The following STOML3 variants were observed in gnomAD, a reference collection of about 807,000 sequenced individuals.
STOML3 encodes stomatin like 3.
A neutral mutation model predicts 29.5 loss-of-function variants in STOML3; 31 were observed. The observed-to-expected ratio is 1.05, with a 90% CI of 0.79 to 1.42. STOML3 has a LOEUF of 1.42. Among genes scored for constraint, STOML3 ranks in the 40% most tolerant of loss-of-function variants. STOML3 has a pLI of 0.00. For missense variants in STOML3, 380 were observed against 363.0 expected, an observed-to-expected ratio of 1.05 and a Z score of -0.38; for synonymous variants, 122 against 139.8, an observed-to-expected ratio of 0.87 and a Z score of 0.90.
chr13:38,976,967 A>G (rs1246554228), intron 1 of STOML3, among the ~76,000 whole-genome samples, 170 bp from the exon 2 acceptor site: 1 of 152,260 alleles, frequency 6.6e-6, no homozygotes, highest in Non-Finnish European at 1.5e-5. Flanking sequence ...ACATACATTC[A>G]AATGTTTATT....
At chr13:38,988,207 A>C (rs1244208782) in intron 1 of STOML3, among the ~76,000 whole-genome samples, 7 of 75,342 alleles carry the variant, frequency 9.3e-5, no homozygotes, top group African/African-American at 3.2e-4. Context: ...TATTTCATAT[A>C]AAATATATGA....
intron 3 of STOML3, among the ~76,000 whole-genome samples, chr13:38,973,096 TAAAAAAAAAAAAA>T (rs71074495): frequency 0.011 from 352 of 32,560 alleles, 2 homozygotes; most frequent in Non-Finnish European, 0.014. Flanking sequence ...CCGTCTCTAC[TAAAAAAAAAAAAA>T]AAAAAAAAAA....
Position 38,967,103 on chromosome 13 carries a change from T to C in STOML3, c.652-54A>G, listed in dbSNP as rs559661341. The C allele has an allele frequency of 2.0e-6, 3 of 1,501,128 alleles. No individual in the cohort carries two copies. In the South Asian group the frequency reaches 3.7e-5, roughly 18 times the overall value. The allele number at this position is 1,501,128 out of a possible 1,614,324, so 93.0% of individuals were successfully genotyped here. A position where few individuals can be genotyped will look rare whatever the true frequency, so the allele number is the denominator to read the frequency against. ...AAATAAAAGTTTACACTATAACTAG[T>C]TCTTTCTTTTTCTGGGTCTGTATTG... On this transcript the variant is annotated intron_variant, in intron 6 of 6. Coordinates refer to ENST00000379631, the MANE Select transcript of STOML3 (RefSeq NM_145286.3).
chr13:38,979,923 A>G, intron 1 of STOML3: 1 of 872,614 alleles, frequency 1.1e-6, no homozygotes, highest in Non-Finnish European at 1.8e-6. Flanking sequence ...ACACGCAGGC[A>G]GCTGGGACTC....
chr13:38,988,599 TTATATATCA>T (rs1868834410), intron 1 of STOML3, among the ~76,000 whole-genome samples: 1 of 117,538 alleles, frequency 8.5e-6, no homozygotes, highest in Non-Finnish European at 1.6e-5. Context: ...ATATAATATA[TTATATATCA>T]TATATTTTAT....
At chr13:38,989,665 T>G (rs1386315139) in intron 1 of STOML3, among the ~76,000 whole-genome samples, 1 of 151,734 alleles carries the variant, frequency 6.6e-6, no homozygotes, top group Non-Finnish European at 1.5e-5. Flanking sequence ...CCTGGCTAAA[T>G]TTTGTATTTT....
intron 1 of STOML3, among the ~76,000 whole-genome samples, chr13:38,988,400 TAA>T (rs1328950499): frequency 1.2e-4 from 11 of 95,448 alleles, no homozygotes; most frequent in African/African-American, 3.6e-4. Flanking sequence ...ATATTTTATA[TAA>T]AATATATGAT....
At chr13:38,990,125 T>C (rs1302565243) in intron 1 of STOML3, among the ~76,000 whole-genome samples, 1 of 152,224 alleles carries the variant, frequency 6.6e-6, no homozygotes, top group African/African-American at 2.4e-5. Flanking sequence ...TAGTAGTTGG[T>C]ACTTATAAGC....
chr13:38,978,695 G>A lies in STOML3; in HGVS notation c.53-1898C>T, dbSNP rs145521764. Among the ~76,000 whole-genome samples the A allele has an allele frequency of 1.8e-4, 27 of 152,220 alleles. 1 individual carries two copies. In the East Asian group the frequency reaches 5.0e-3, roughly 28 times the overall value. Reference sequence around the variant, plus strand: ...ATCATTGCCTCTTCCCTATCCAGTTGCAGAAAGTCACTAAACCTAAATGAT... The same window carrying A: ...ATCATTGCCTCTTCCCTATCCAGTTACAGAAAGTCACTAAACCTAAATGAT... On this transcript the variant is annotated intron_variant, in intron 1 of 6. Coordinates refer to ENST00000379631, the MANE Select transcript of STOML3 (RefSeq NM_145286.3).
At chr13:38,984,473 T>C (rs73456161) in intron 1 of STOML3, among the ~76,000 whole-genome samples, 4,787 of 152,280 alleles carry the variant, frequency 0.031, 173 homozygotes, top group African/African-American at 0.093. Flanking sequence ...ATGGACCATA[T>C]ATACGATGGT....
At chr13:38,970,658 G>A (rs1296518334) in intron 4 of STOML3, among the ~76,000 whole-genome samples, 3 of 152,174 alleles carry the variant, frequency 2.0e-5, no homozygotes, top group Non-Finnish European at 2.9e-5. Flanking sequence ...GACATGCTAA[G>A]AACAGGCCCT....
intron 6 of STOML3, 27 bp from the exon 7 acceptor site, chr13:38,967,076 A>G (rs1880684844): frequency 6.3e-7 from 1 of 1,599,788 alleles, no homozygotes; most frequent in South Asian, 1.1e-5. Context: ...AAAATCGTTC[A>G]GAAATAAAAG....
chr13:38,969,197 C>G (rs1272746969), intron 5 of STOML3, among the ~76,000 whole-genome samples: 1 of 152,192 alleles, frequency 6.6e-6, no homozygotes, highest in Non-Finnish European at 1.5e-5. Context: ...AGCCTAAAGT[C>G]AAAGATACTC....
intron 1 of STOML3, among the ~76,000 whole-genome samples, chr13:38,989,989 C>A (rs983048735): frequency 6.6e-6 from 1 of 151,954 alleles, no homozygotes; most frequent in Non-Finnish European, 1.5e-5. Flanking sequence ...TTAAACTTTC[C>A]AATGCTCAGT....
intron 1 of STOML3, among the ~76,000 whole-genome samples, chr13:38,984,971 G>GA (rs1868450761): frequency 6.6e-6 from 1 of 152,136 alleles, no homozygotes; most frequent in African/African-American, 2.4e-5. Flanking sequence ...CAACATAATA[G>GA]ATTTACTGAT....
intron 1 of STOML3, among the ~76,000 whole-genome samples, chr13:38,986,666 C>T (rs1210287292): frequency 6.6e-6 from 1 of 152,156 alleles, no homozygotes. Flanking sequence ...ATCTTTTCAT[C>T]CCCTGTAATT....
intron 5 of STOML3, among the ~76,000 whole-genome samples, chr13:38,968,781 C>T (rs1408798925): frequency 6.6e-6 from 1 of 152,092 alleles, no homozygotes; most frequent in African/African-American, 2.4e-5. Context: ...TAGTGGGTGT[C>T]TATCAGCAGG....
rs1318298606 is a variant in STOML3 at position 38,966,958 on chromosome 13, C to A, written c.743G>T (p.Arg248Leu). ...LAESPIALQL[R>L]YLQTLSTVAT... ...TACCGTGCTCAAGGTCTGCAGGTAG[C>A]GCAGCTGGAGAGCTATGGGAGACTC... Residue 248 changes from arginine to leucine, a missense_variant, in exon 7 of 7, where the codon CGC (arginine) becomes CTC (leucine). Physicochemically the swap from Arg to Leu is moderately radical, Grantham distance 102. Coordinates refer to ENST00000379631, the MANE Select transcript of STOML3 (RefSeq NM_145286.3). The A allele has an allele frequency of 1.2e-6, 2 of 1,613,864 alleles. No homozygotes were observed. The highest frequency in any genetic ancestry group is 1.7e-5 in the Admixed American group (1 of 59,990).
intron 1 of STOML3, among the ~76,000 whole-genome samples, chr13:38,982,347 TTAA>T (rs1188340657): frequency 2.0e-5 from 3 of 152,166 alleles, no homozygotes; most frequent in African/African-American, 7.2e-5. Flanking sequence ...TATTGTTTCA[TTAA>T]TGGGATATAC....
Sources: gnomAD v4.1 joint callset for allele counts (sites outside exome capture counted in the v4.1 genomes callset) on GRCh38, gnomAD v4.1.1 for gene constraint, MANE v1.5 for transcripts, NCBI Gene and HGNC (gene_info 2026-07-23, HGNC 2026-07-21) for gene names.